CFAP52: variants seen among roughly 807,000 people sequenced by gnomAD.
CFAP52 encodes cilia- and flagella-associated protein 52.
A neutral mutation model predicts 70.5 loss-of-function variants in CFAP52; 57 were observed. The ratio of observed to expected loss-of-function variants is 0.81; its 90% CI spans 0.65 to 1.01. CFAP52 has a LOEUF of 1.01. Among genes scored for constraint, CFAP52 ranks in the 50% least tolerant of loss-of-function variants. The pLI is 0.00. For synonymous variants in CFAP52, 267 were observed against 292.5 expected (o/e 0.91, Z 0.89); for missense variants, 785 against 788.5 (o/e 1.00, Z 0.05).
intron 3 of CFAP52, among the ~76,000 whole-genome samples, chr17:9,591,030 C>CTTTTTTTTTTTTTTTTTTT (rs34888799): frequency 1.3e-5 from 1 of 76,758 alleles, no homozygotes; most frequent in Non-Finnish European, 2.2e-5. Context: ...TTGCATGCAT[C>CTTTTTTTTTTTTTTTTTTT]TTTTTTTTTT....
chr17:9,589,441 T>TA (rs1908643055), intron 3 of CFAP52, among the ~76,000 whole-genome samples: 1 of 152,180 alleles, frequency 6.6e-6, no homozygotes, highest in Non-Finnish European at 1.5e-5. Context: ...TTTCTGATAA[T>TA]AAATGTATTG....
At chr17:9,616,142 G>A (rs1052464098) in intron 8 of CFAP52, among the ~76,000 whole-genome samples, 1 of 148,988 alleles carries the variant, frequency 6.7e-6, no homozygotes, top group East Asian at 2.0e-4. Flanking sequence ...GTGTGTGCGC[G>A]CACCGTGCGC....
At chr17:9,630,425 A>AT (rs1910422360) in intron 9 of CFAP52, among the ~76,000 whole-genome samples, 2 of 136,590 alleles carry the variant, frequency 1.5e-5, no homozygotes, top group South Asian at 4.7e-4. Context: ...TAATTTTTGT[A>AT]ATTTTTTTTT....
At chr17:9,607,456 C>CT (rs374232029) in intron 6 of CFAP52, among the ~76,000 whole-genome samples, 6 of 152,082 alleles carry the variant, frequency 3.9e-5, no homozygotes, top group Admixed American at 3.9e-4. Context: ...ATTGTCAAGC[C>CT]TTTTTTTTCT....
At chr17:9,632,860 C>A (rs777378417) in intron 9 of CFAP52, 28 bp from the exon 10 acceptor site, 6 of 1,611,480 alleles carry the variant, frequency 3.7e-6, no homozygotes, top group Non-Finnish European at 5.1e-6. Flanking sequence ...ACTGATCCTG[C>A]CTGCCTTTTG....
Position 9,600,074 on chromosome 17 carries a change from A to G in CFAP52, c.644A>G (p.Asp215Gly), listed in dbSNP as rs887188270. 1.2e-6 allele frequency: 2 copies of G among 1,613,084 alleles called. No individual in the cohort carries two copies. Among genetic ancestry groups the G allele is most frequent in the African/African-American group, 2.7e-5 (2 of 74,840 alleles). Reference protein sequence around the residue: ...KRIVMSIGVDDDDSFFYLGTT... With the variant: ...KRIVMSIGVDGDDSFFYLGTT... ...TTTTTCTTGCTTCTTCAGGTGGATGATGATGATAGCTTTTTCTACCTTGGC... is the reference window on the plus strand; with the variant it reads ...TTTTTCTTGCTTCTTCAGGTGGATGGTGATGATAGCTTTTTCTACCTTGGC... The change falls in exon 6 of 14, where the codon GAT becomes GGT. Residue 215 changes from aspartate (D) to glycine (G), a missense_variant. By Grantham distance (94) the Asp-to-Gly change is moderately conservative (BLOSUM62 -1). Coordinates refer to ENST00000352665, the MANE Select transcript of CFAP52 (RefSeq NM_145054.5).
chr17:9,579,092 G>A (rs1455639697), intron 1 of CFAP52, among the ~76,000 whole-genome samples: 3 of 152,102 alleles, frequency 2.0e-5, no homozygotes, highest in Admixed American at 1.3e-4. Context: ...TGGCTGGGGT[G>A]GGGCAGCGTG....
Position 9,643,335 on chromosome 17 carries a change from G to A in CFAP52, c.*137G>A. On this transcript the variant is annotated 3_prime_UTR_variant, in exon 14 of 14. Coordinates refer to ENST00000352665, the MANE Select transcript of CFAP52 (RefSeq NM_145054.5). Reference sequence around the variant, plus strand: ...GTCAATTTTTCTCTTTTTCTTTATAGAATGCATTTTATATTCTTAAATTGC... The same window carrying A: ...GTCAATTTTTCTCTTTTTCTTTATAAAATGCATTTTATATTCTTAAATTGC... 1.4e-6 allele frequency: 1 copy of A among 695,850 alleles called. No homozygotes were observed. Among genetic ancestry groups the A allele is most frequent in the Non-Finnish European group, 2.1e-6 (1 of 483,264 alleles). 43.1% of individuals were successfully genotyped at this position (695,850 alleles called of 1,614,324 possible). A position where few individuals can be genotyped will look rare whatever the true frequency, so the allele number is the denominator to read the frequency against.
intron 8 of CFAP52, among the ~76,000 whole-genome samples, chr17:9,624,628 T>C (rs1910170520): frequency 6.6e-6 from 1 of 152,214 alleles, no homozygotes; most frequent in Non-Finnish European, 1.5e-5. Flanking sequence ...TTAAAATAGC[T>C]GCTTTAAAGT....
chr17:9,602,483 C>T (rs1221095676), intron 6 of CFAP52, among the ~76,000 whole-genome samples: 1 of 152,116 alleles, frequency 6.6e-6, no homozygotes, highest in Non-Finnish European at 1.5e-5. Flanking sequence ...CATAGTATTC[C>T]ATGGTGTATA....
chr17:9,614,157 C>CTTTTTTTTTTTTTTTTTTT (rs11347755), intron 8 of CFAP52, among the ~76,000 whole-genome samples: 1 of 93,984 alleles, frequency 1.1e-5, no homozygotes. Context: ...TTCTTTCTTT[C>CTTTTTTTTTTTTTTTTTTT]TTTTTTTTTT....
chr17:9,645,374 A>G (rs1911285623), downstream of CFAP52: 1 of 257,820 alleles, frequency 3.9e-6, no homozygotes, highest in Admixed American at 5.4e-5. The surrounding 1 kb of genome is among the most constrained non-coding windows in gnomAD (Gnocchi z 6.8). Flanking sequence ...GACCACGAAG[A>G]CTCCCAGTCA....
chr17:9,638,688 A>G lies in CFAP52; in HGVS notation c.1552A>G (p.Ile518Val). Residue 518 changes from isoleucine to valine, a missense_variant, in exon 12 of 14, where the codon ATC (isoleucine) becomes GTC (valine). Ile to Val is a conservative substitution (Grantham distance 29, BLOSUM62 3). Coordinates refer to ENST00000352665, the MANE Select transcript of CFAP52 (RefSeq NM_145054.5). ...VCYHPEEFQI[I>V]TSGTDRKIAY... is the part of the protein sequence containing the mutation. ...CTATCACCCTGAGGAGTTCCAGATC[A>G]TCACCAGCGGAACAGACAGAAAGGT... 6.2e-7 allele frequency: 1 copy of G among 1,614,194 alleles called. No individual in the cohort carries two copies. The highest frequency in any genetic ancestry group is 1.7e-5 in the Admixed American group (1 of 60,018).
chr17:9,614,510 A>G (rs1447126767), intron 8 of CFAP52, among the ~76,000 whole-genome samples: 1 of 152,092 alleles, frequency 6.6e-6, no homozygotes, highest in Admixed American at 6.6e-5. Context: ...TAAGATTACC[A>G]CATCTTCATT....
chr17:9,602,194 G>T (rs961935628), intron 6 of CFAP52, among the ~76,000 whole-genome samples: 4 of 152,024 alleles, frequency 2.6e-5, no homozygotes, highest in African/African-American at 7.2e-5. Context: ...TGTTACATAG[G>T]TATACACGTG....
At position 9,635,992 on chromosome 17, in the gene CFAP52, G is replaced by A. The variant is rs763510080; in HGVS notation, c.1472+436G>A. On this transcript the variant is annotated intron_variant, in intron 11 of 13. Transcript: ENST00000352665. ...GTTCGAGACCAGCCTGGCCAACATGGTGAAACCCCTTCTCTACTAAAAATA... is the reference window on the plus strand; with the variant it reads ...GTTCGAGACCAGCCTGGCCAACATGATGAAACCCCTTCTCTACTAAAAATA... Among the ~76,000 whole-genome samples, 4 of 151,808 alleles carry A rather than the reference G, an allele frequency of 2.6e-5. No homozygotes were observed. In the East Asian group the frequency reaches 5.8e-4, roughly 22 times the overall value.
intron 2 of CFAP52, among the ~76,000 whole-genome samples, 191 bp downstream of exon 2, chr17:9,586,163 G>A (rs957295613): frequency 5.9e-5 from 9 of 152,088 alleles, no homozygotes; most frequent in East Asian, 1.9e-4. Context: ...TTTTATACCC[G>A]AGGTTGCAGC....
intron 3 of CFAP52, 149 bp downstream of exon 3, chr17:9,586,983 G>C: frequency 3.2e-6 from 3 of 944,302 alleles, no homozygotes; most frequent in Non-Finnish European, 4.4e-6. Flanking sequence ...GCTCAGCCTA[G>C]TACCCAGTAG....
chr17:9,600,101 C>T lies in CFAP52; in HGVS notation c.671C>T (p.Thr224Ile), dbSNP rs775261804. Reference sequence around the variant, plus strand: ...GATGATAGCTTTTTCTACCTTGGCACCACGACTGGAGATATTCTAAAAATG... The same window carrying T: ...GATGATAGCTTTTTCTACCTTGGCATCACGACTGGAGATATTCTAAAAATG... The part of the protein sequence containing the change: ...DDDDSFFYLG[T>I]TTGDILKMNP... The change falls in exon 6 of 14, where the codon ACC becomes ATC. Residue 224 changes from threonine to isoleucine, a missense_variant. Transcript: ENST00000352665. 5 of 1,613,856 alleles carry T rather than the reference C, an allele frequency of 3.1e-6. No individual in the cohort carries two copies. The highest frequency in any genetic ancestry group is 4.2e-6 in the Non-Finnish European group (5 of 1,179,878).
Sources: allele counts gnomAD v4.1 joint callset (sites outside exome capture counted in the v4.1 genomes callset), GRCh38; gene constraint gnomAD v4.1.1; non-coding constraint Gnocchi (gnomAD v3.1); transcripts MANE v1.5; gene names NCBI Gene and HGNC (gene_info 2026-07-23, HGNC 2026-07-21).